BCAR3: variants seen among roughly 807,000 people sequenced by gnomAD.
The protein encoded by BCAR3 is BCAR3 adaptor protein, NSP family member, also known as breast cancer anti-estrogen resistance protein 3.
Under a neutral mutation model 80.1 loss-of-function variants are expected in BCAR3, and 37 were observed. That is an observed-to-expected ratio of 0.46 (90% CI 0.36 to 0.61). The LOEUF is 0.61. Among genes scored for constraint, BCAR3 ranks in the 20% least tolerant of loss-of-function variants. BCAR3 has a pLI of 0.00. For missense variants in BCAR3, 978 were observed against 1,068.2 expected (o/e 0.92, Z 1.18); for synonymous variants, 389 against 418.9 (o/e 0.93, Z 0.87).
chr1:93,754,297 C>A (rs886456064), intron 2 of BCAR3: 6 of 152,196 alleles, frequency 3.9e-5, no homozygotes, highest in African/African-American at 1.4e-4. Context: ...GTGTTGTCAA[C>A]ACAGAGATCA....
chr1:93,665,025 G>A (rs1376282877), intron 2 of BCAR3, among the ~76,000 whole-genome samples: 10 of 150,984 alleles, frequency 6.6e-5, no homozygotes, highest in Non-Finnish European at 8.8e-5. Context: ...ATGGTTTTGA[G>A]ATAATGTCCT....
intron 2 of BCAR3, among the ~76,000 whole-genome samples, chr1:93,843,221 GTTCGGT>G (rs1655025627): frequency 6.6e-6 from 1 of 152,208 alleles, no homozygotes; most frequent in Non-Finnish European, 1.5e-5. Flanking sequence ...TAAGTGTTCT[GTTCGGT>G]AACAGAAATG....
chr1:93,806,668 G>T (rs1653664151), intron 2 of BCAR3, among the ~76,000 whole-genome samples: 1 of 152,084 alleles, frequency 6.6e-6, no homozygotes, highest in South Asian at 2.1e-4. Flanking sequence ...TCCAGAAAAA[G>T]AATCAGAAAG....
In BCAR3 at chr1:93,700,133, T is replaced by C. The variant is rs760492374; in HGVS notation, c.-12+5959A>G. ...CAGCACACCCAAGACTCCAGGAGTA[T>C]GCCAATTGCACTTCACCCAGTTCAA... On this transcript the variant is annotated intron_variant, in intron 3 of 13. Transcript: ENST00000370244. 8.5e-4 allele frequency among the ~76,000 whole-genome samples: 129 copies of C among 152,222 alleles called. 1 individual carries two copies. Among genetic ancestry groups the C allele is most frequent in the Admixed American group, 1.6e-3 (25 of 15,290 alleles).
intron 1 of BCAR3, chr1:93,846,846 C>A: frequency 2.1e-6 from 1 of 476,802 alleles, no homozygotes; most frequent in Non-Finnish European, 4.3e-6. Context: ...CGTCGCCCCC[C>A]TCAGTCCACC....
chr1:93,598,476 G>A (rs1674514010), intron 3 of BCAR3, among the ~76,000 whole-genome samples: 1 of 152,234 alleles, frequency 6.6e-6, no homozygotes, highest in Admixed American at 6.5e-5. Flanking sequence ...TAGGAACTGA[G>A]GGTGGAAAGA....
chr1:93,765,635 G>GTAT (rs1304209053), intron 2 of BCAR3, among the ~76,000 whole-genome samples: 2 of 151,310 alleles, frequency 1.3e-5, no homozygotes, highest in Admixed American at 6.6e-5. Flanking sequence ...TTGTGTGTGT[G>GTAT]GTAAGAACAC....
At chr1:93,814,587 C>T (rs943995266) in intron 2 of BCAR3, among the ~76,000 whole-genome samples, 1 of 152,226 alleles carries the variant, frequency 6.6e-6, no homozygotes, top group Non-Finnish European at 1.5e-5. Flanking sequence ...TGTGAAGGAA[C>T]TCTGGGCAGC....
intron 4 of BCAR3, among the ~76,000 whole-genome samples, chr1:93,589,819 C>T (rs1674097742): frequency 6.6e-6 from 1 of 152,168 alleles, no homozygotes; most frequent in African/African-American, 2.4e-5. Context: ...GGGATGAGGG[C>T]TGTCCAGTAA....
intron 3 of BCAR3, among the ~76,000 whole-genome samples, chr1:93,702,750 T>C (rs1263161416): frequency 6.6e-6 from 1 of 151,912 alleles, no homozygotes; most frequent in East Asian, 1.9e-4. Flanking sequence ...CTCCCAGGAG[T>C]GCCAGGCATT....
chr1:93,753,256 T>C (rs1431179618), intron 2 of BCAR3: 1 of 152,192 alleles, frequency 6.6e-6, no homozygotes, highest in African/African-American at 2.4e-5. Flanking sequence ...CAAGCGGTGT[T>C]TTTGTATTCC....
intron 2 of BCAR3, among the ~76,000 whole-genome samples, chr1:93,785,809 T>C (rs1232502213): frequency 3.9e-5 from 6 of 152,220 alleles, no homozygotes; most frequent in Admixed American, 3.3e-4. Flanking sequence ...GGAGGTTACT[T>C]TTCCTCCCCT....
At chr1:93,679,106 C>G (rs1316473775) in intron 1 of BCAR3, among the ~76,000 whole-genome samples, 3 of 152,198 alleles carry the variant, frequency 2.0e-5, no homozygotes, top group Non-Finnish European at 2.9e-5. Context: ...TGGCCTGGGA[C>G]AAGTTACTCA....
chr1:93,701,337 C>T (rs1315576337), intron 3 of BCAR3, among the ~76,000 whole-genome samples: 4 of 152,138 alleles, frequency 2.6e-5, no homozygotes, highest in African/African-American at 7.2e-5. Flanking sequence ...CAACCCAAAA[C>T]GTGCCTTCGA....
chr1:93,724,810 G>T (rs1216096439), intron 2 of BCAR3, among the ~76,000 whole-genome samples: 24 of 152,322 alleles, frequency 1.6e-4, no homozygotes, highest in Non-Finnish European at 2.9e-5. Context: ...ATAGGATGGG[G>T]CTGGTGGAGG....
intron 2 of BCAR3, among the ~76,000 whole-genome samples, chr1:93,740,527 A>T (rs1352084404): frequency 6.6e-6 from 1 of 152,178 alleles, no homozygotes; most frequent in African/African-American, 2.4e-5. Flanking sequence ...CAGGGAGACC[A>T]CTAACAGGAA....
chr1:93,707,911 C>G (rs1389380514), intron 2 of BCAR3, among the ~76,000 whole-genome samples: 4 of 152,164 alleles, frequency 2.6e-5, no homozygotes, highest in African/African-American at 9.7e-5. Context: ...CTAACCTAAA[C>G]AACAGATGAC....
chr1:93,810,501 A>G (rs1391114405), intron 2 of BCAR3, among the ~76,000 whole-genome samples: 1 of 152,188 alleles, frequency 6.6e-6, no homozygotes, highest in Non-Finnish European at 1.5e-5. Flanking sequence ...CTCTGATGCC[A>G]GGTCAGGAAC....
chr1:93,716,439 G>A (rs1650192156), intron 2 of BCAR3, among the ~76,000 whole-genome samples: 1 of 152,162 alleles, frequency 6.6e-6, no homozygotes, highest in South Asian at 2.1e-4. Context: ...ACCCACTGAA[G>A]CTCAATCACC....
Sources: allele counts gnomAD v4.1 joint callset (sites outside exome capture counted in the v4.1 genomes callset), GRCh38; gene constraint gnomAD v4.1.1; transcripts MANE v1.5; gene names NCBI Gene and HGNC (gene_info 2026-07-23, HGNC 2026-07-21).